Variants in DNAH8 observed in about 807,000 individuals in gnomAD.
DNAH8 encodes dynein axonemal heavy chain 8, also known as axonemal beta dynein heavy chain 8.
Under a neutral mutation model 562.1 loss-of-function variants are expected in DNAH8, and 382 were observed. The observed-to-expected ratio is 0.68, with a 90% confidence interval of 0.63 to 0.74. DNAH8 has a LOEUF of 0.74. Among genes scored for constraint, DNAH8 ranks in the 30% least tolerant of loss-of-function variants. The pLI is 0.00. For missense variants in DNAH8, 5,203 were observed against 5,620.4 expected, an observed-to-expected ratio of 0.93 and a Z score of 2.37; for synonymous variants, 1,881 against 1,919.4, an observed-to-expected ratio of 0.98 and a Z score of 0.52.
At chr6:38,964,927 G>A (rs1240914957) in intron 82 of DNAH8, among the ~76,000 whole-genome samples, 1 of 152,052 alleles carries the variant, frequency 6.6e-6, no homozygotes, top group Non-Finnish European at 1.5e-5. Context: ...AGTCGGGCGT[G>A]GTGGCACATG....
intron 71 of DNAH8, among the ~76,000 whole-genome samples, chr6:38,922,166 CAGGGGCAATCTACCT>C (rs1292772614): frequency 2.0e-5 from 3 of 151,712 alleles, no homozygotes; most frequent in Non-Finnish European, 2.9e-5. Flanking sequence ...AGAGACCTGA[CAGGGGCAATCTACCT>C]AGCTCTGTTT....
intron 1 of DNAH8, among the ~76,000 whole-genome samples, chr6:38,718,826 A>C (rs574944699): frequency 6.6e-6 from 1 of 152,304 alleles, no homozygotes; most frequent in Non-Finnish European, 1.5e-5. Context: ...CTTTTGGAAG[A>C]ATGAATATGA....
At chr6:38,917,806 T>A (rs1175259818) in intron 69 of DNAH8, 119 bp from the exon 70 acceptor site, 5 of 728,544 alleles carry the variant, frequency 6.9e-6, no homozygotes, top group Admixed American at 6.0e-5. Flanking sequence ...AGTCTCAATT[T>A]GTGTATTTAG....
chr6:38,943,961 C>G (rs564312400), intron 79 of DNAH8, among the ~76,000 whole-genome samples: 2 of 152,276 alleles, frequency 1.3e-5, no homozygotes, highest in East Asian at 3.9e-4. Context: ...ATGCAGCTAA[C>G]AAGCGGCAGA....
intron 53 of DNAH8, among the ~76,000 whole-genome samples, chr6:38,879,746 T>C (rs903597693): frequency 1.3e-5 from 2 of 152,140 alleles, no homozygotes; most frequent in African/African-American, 4.8e-5. Context: ...CAAATGTCTA[T>C]AGATTAGAAA....
intron 92 of DNAH8, among the ~76,000 whole-genome samples, chr6:39,029,545 A>T (rs1385051754): frequency 6.6e-6 from 1 of 152,102 alleles, no homozygotes; most frequent in Non-Finnish European, 1.5e-5. Flanking sequence ...TGTATGAGAG[A>T]GACACTGGGG....
rs1678690 is a variant in DNAH8 at position 38,814,090 on chromosome 6, C to G, written c.3294C>G (p.Ser1098=). The G allele has an allele frequency of 0.44, 689,620 of 1,572,462 alleles. 158,027 individuals carry two copies. The highest frequency in any genetic ancestry group is 0.78 in the East Asian group (34,818 of 44,406). The stretch of plus-strand genomic sequence containing the variant: ...GAAAGCAGTCAGAAGATATTATTTC[C>G]TTTATAAAAAGTGAAGTACATCTTG... ...YGRKQSEDII[S]FIKSEVHLAI... is the part of the protein sequence containing the mutation. The change falls in exon 25 of 93, where the codon TCC becomes TCG. Residue 1098 remains serine (S), a synonymous_variant. Coordinates refer to ENST00000327475, the MANE Select transcript of DNAH8 (RefSeq NM_001206927.2).
rs1019367452 is a variant in DNAH8 at position 39,030,768 on chromosome 6, C to T, written c.*376C>T. Among the ~76,000 whole-genome samples, 3 of 152,130 alleles carry T rather than the reference C, an allele frequency of 2.0e-5. No homozygotes were observed. The highest frequency in any genetic ancestry group is 4.2e-4 in the South Asian group (2 of 4,810). ...TTCCCTCAAGTAGGTACCAATTTCCCTTGAATAAAATCTAGCCATGTCTAT... is the reference window on the plus strand; with the variant it reads ...TTCCCTCAAGTAGGTACCAATTTCCTTTGAATAAAATCTAGCCATGTCTAT... On this transcript the variant is annotated 3_prime_UTR_variant, in exon 93 of 93. Coordinates refer to ENST00000327475, the MANE Select transcript of DNAH8 (RefSeq NM_001206927.2).
intron 6 of DNAH8, 94 bp from the exon 7 acceptor site, chr6:38,737,715 T>G (rs1764205681): frequency 1.8e-6 from 1 of 541,050 alleles, no homozygotes; most frequent in Non-Finnish European, 2.6e-6. Context: ...CATTAAATAC[T>G]TCTTACTATT....
At chr6:38,953,940 A>G (rs1762084694) in intron 82 of DNAH8, among the ~76,000 whole-genome samples, 1 of 151,764 alleles carries the variant, frequency 6.6e-6, no homozygotes, top group African/African-American at 2.4e-5. Context: ...TATCTCAGGA[A>G]CCCCACTTCA....
intron 75 of DNAH8, 57 bp downstream of exon 75, chr6:38,929,723 AG>A (rs1254492964): frequency 7.0e-7 from 1 of 1,422,858 alleles, no homozygotes; most frequent in Non-Finnish European, 9.3e-7. Context: ...AAAGAAAAAA[AG>A]AAAAAAATTA....
chr6:38,938,350 T>C, intron 78 of DNAH8, 124 bp downstream of exon 78: 1 of 1,133,928 alleles, frequency 8.8e-7, no homozygotes, highest in South Asian at 1.5e-5. Context: ...TAAATGCCCA[T>C]CAACAGTAGA....
intron 9 of DNAH8, among the ~76,000 whole-genome samples, chr6:38,755,397 T>C (rs1179856362): frequency 6.6e-6 from 1 of 152,170 alleles, no homozygotes; most frequent in Non-Finnish European, 1.5e-5. Context: ...TCTACTTGTT[T>C]TACTTGTTTG....
chr6:38,815,390 G>T, intron 25 of DNAH8, 78 bp from the exon 26 acceptor site: 2 of 1,195,328 alleles, frequency 1.7e-6, no homozygotes, highest in East Asian at 2.4e-5. Context: ...CCCACTCAGT[G>T]GGGAATGGAG....
At chr6:38,900,420 G>A (rs1033654062) in intron 62 of DNAH8, among the ~76,000 whole-genome samples, 4 of 152,170 alleles carry the variant, frequency 2.6e-5, no homozygotes, top group African/African-American at 9.7e-5. Context: ...TAGAGCTACT[G>A]TAAATATTCT....
chr6:38,950,581 A>G (rs1321860250), intron 81 of DNAH8, among the ~76,000 whole-genome samples: 4 of 151,738 alleles, frequency 2.6e-5, no homozygotes, highest in Non-Finnish European at 4.4e-5. Context: ...CTGGGACTAC[A>G]GGCGCCTGCC....
chr6:38,890,801 A>G (rs570610912), intron 58 of DNAH8, 40 bp downstream of exon 58: 11 of 1,373,362 alleles, frequency 8.0e-6, no homozygotes, highest in South Asian at 1.2e-5. Flanking sequence ...AAAGGCAACT[A>G]TTATTCAGCC....
At chr6:38,876,678 G>A (rs1408813338) in intron 53 of DNAH8, among the ~76,000 whole-genome samples, 1 of 152,100 alleles carries the variant, frequency 6.6e-6, no homozygotes, top group Non-Finnish European at 1.5e-5. Context: ...AAAACCACAG[G>A]GCTGGTTATA....
intron 85 of DNAH8, among the ~76,000 whole-genome samples, chr6:38,982,030 C>T (rs895760236): frequency 2.6e-5 from 4 of 152,270 alleles, no homozygotes; most frequent in Non-Finnish European, 4.4e-5. Context: ...TATTCAGTCC[C>T]GTAACATGCT....
Sources: gnomAD v4.1 joint callset for allele counts (sites outside exome capture counted in the v4.1 genomes callset) on GRCh38, gnomAD v4.1.1 for gene constraint, MANE v1.5 for transcripts, NCBI Gene and HGNC (gene_info 2026-07-23, HGNC 2026-07-21) for gene names.